Variants in TMOD1 observed in about 807,000 individuals in gnomAD.
TMOD1 encodes tropomodulin 1, also known as tropomodulin-1.
A neutral mutation model predicts 40.6 loss-of-function variants in TMOD1; 17 were observed. The ratio of observed to expected loss-of-function variants is 0.42; its 90% confidence interval spans 0.29 to 0.63. The LOEUF (loss-of-function observed/expected upper bound fraction) is 0.63, where lower values mean the gene tolerates loss of function less well. Among genes scored for constraint, TMOD1 ranks in the 20% least tolerant of loss-of-function variants. TMOD1 has a pLI of 0.22. For synonymous variants in TMOD1, 181 were observed against 175.0 expected, an observed-to-expected ratio of 1.03 and a Z score of -0.27; for missense variants, 391 against 447.6, an observed-to-expected ratio of 0.87 and a Z score of 1.14.
At chr9:97,577,062 A>G (rs771920120) in intron 8 of TMOD1, among the ~76,000 whole-genome samples, 5 of 150,108 alleles carry the variant, frequency 3.3e-5, no homozygotes, top group Non-Finnish European at 7.3e-5. Flanking sequence ...ATATTTATTC[A>G]CAAGTGGTTT....
At chr9:97,519,681 C>T (rs1425145485) in intron 1 of TMOD1, among the ~76,000 whole-genome samples, 1 of 152,190 alleles carries the variant, frequency 6.6e-6, no homozygotes, top group Non-Finnish European at 1.5e-5. Flanking sequence ...TAGACCAGGA[C>T]CCAGAGGTGC....
In TMOD1 at chr9:97,538,526, T is replaced by A. The variant is rs141604701; in HGVS notation, c.121-7659T>A. Among the ~76,000 whole-genome samples, 541 of 152,186 alleles carry A rather than the reference T, an allele frequency of 3.6e-3. 2 individuals are homozygous for A. Among genetic ancestry groups the A allele is most frequent in the African/African-American group, 0.012 (518 of 41,532 alleles). On this transcript the variant is annotated intron_variant, in intron 2 of 9. Transcript: ENST00000259365. ...TCCTGTGCACATTTTAAGATTGAGA[T>A]TTAAATTCCTTATAGGTTAAATGAG...
At chr9:97,525,135 G>C (rs904202529) in intron 2 of TMOD1, among the ~76,000 whole-genome samples, 6 of 152,116 alleles carry the variant, frequency 3.9e-5, no homozygotes, top group African/African-American at 1.4e-4. Flanking sequence ...ACTATCCTGG[G>C]TACAATGGAA....
At chr9:97,575,030 ATAAC>A (rs1272645887) in intron 8 of TMOD1, among the ~76,000 whole-genome samples, 15 of 152,236 alleles carry the variant, frequency 9.9e-5, no homozygotes, top group Non-Finnish European at 2.1e-4. Flanking sequence ...AGGCTGCCGG[ATAAC>A]GCAGTGGCAA....
chr9:97,555,354 C>A, intron 4 of TMOD1: 1 of 1,221,198 alleles, frequency 8.2e-7, no homozygotes, highest in South Asian at 2.1e-5. Context: ...ACTTTCTCCT[C>A]CAATCACGCT....
intron 8 of TMOD1, among the ~76,000 whole-genome samples, chr9:97,578,024 G>A (rs370119961): frequency 1.1e-4 from 17 of 152,156 alleles, no homozygotes; most frequent in South Asian, 1.0e-3. Context: ...CAGGGTCCCC[G>A]GAGTCAGAGA....
At chr9:97,561,948 C>G (rs1330970244) in intron 4 of TMOD1, among the ~76,000 whole-genome samples, 1 of 152,194 alleles carries the variant, frequency 6.6e-6, no homozygotes, top group East Asian at 1.9e-4. Context: ...CCACACTCAG[C>G]ATACCCTGTG....
chr9:97,524,494 T>TA (rs1829969218), intron 2 of TMOD1, among the ~76,000 whole-genome samples, 186 bp downstream of exon 2: 3 of 90,652 alleles, frequency 3.3e-5, no homozygotes, highest in Non-Finnish European at 6.6e-5. Flanking sequence ...AGAGAACCAA[T>TA]AGGGTGTGTG....
At chr9:97,517,359 A>T (rs1829828819) in intron 1 of TMOD1, among the ~76,000 whole-genome samples, 1 of 152,038 alleles carries the variant, frequency 6.6e-6, no homozygotes, top group South Asian at 2.1e-4. Context: ...GTTTAAAATA[A>T]GAGAAAGAGC....
chr9:97,543,466 T>G (rs1375301701), intron 2 of TMOD1, among the ~76,000 whole-genome samples: 1 of 152,290 alleles, frequency 6.6e-6, no homozygotes, highest in Non-Finnish European at 1.5e-5. Flanking sequence ...TGTTAGGCAC[T>G]GTGCTGAGCA....
At chr9:97,533,856 C>T (rs1490957125) in intron 2 of TMOD1, among the ~76,000 whole-genome samples, 5 of 152,166 alleles carry the variant, frequency 3.3e-5, no homozygotes, top group African/African-American at 1.2e-4. Context: ...GTGTTTTATC[C>T]ATCCCTCAAG....
chr9:97,597,143 C>T (rs1826127315), intron 9 of TMOD1, among the ~76,000 whole-genome samples: 1 of 152,188 alleles, frequency 6.6e-6, no homozygotes, highest in Non-Finnish European at 1.5e-5. Flanking sequence ...ACTGGAGAGC[C>T]CTTCTGGCAT....
intron 5 of TMOD1, 92 bp from the exon 6 acceptor site, chr9:97,563,946 C>T: frequency 6.6e-7 from 1 of 1,522,312 alleles, no homozygotes. Flanking sequence ...GTGCCCCAAC[C>T]CTGCACATGC....
chr9:97,525,058 C>G (rs566382638), intron 2 of TMOD1, among the ~76,000 whole-genome samples: 4 of 151,928 alleles, frequency 2.6e-5, no homozygotes, highest in Non-Finnish European at 5.9e-5. Flanking sequence ...ATATACATCT[C>G]TTTAAACCAT....
At chr9:97,524,706 G>C (rs1829978232) in intron 2 of TMOD1, among the ~76,000 whole-genome samples, 1 of 152,082 alleles carries the variant, frequency 6.6e-6, no homozygotes, top group Admixed American at 6.5e-5. Flanking sequence ...GGAAGAGTTG[G>C]GTCTGGGAAA....
At chr9:97,508,905 G>A (rs987373248) in intron 1 of TMOD1, among the ~76,000 whole-genome samples, 1 of 152,162 alleles carries the variant, frequency 6.6e-6, no homozygotes, top group Non-Finnish European at 1.5e-5. Context: ...GTGGACACAC[G>A]CCCTTAAAAA....
chr9:97,569,353 G>C (rs1220523748), intron 8 of TMOD1, among the ~76,000 whole-genome samples: 1 of 152,090 alleles, frequency 6.6e-6, no homozygotes, highest in African/African-American at 2.4e-5. Flanking sequence ...TCAGCTCCCC[G>C]TAAGTCCTGT....
chr9:97,522,390 T>C (rs368788715), intron 1 of TMOD1, among the ~76,000 whole-genome samples: 2 of 152,250 alleles, frequency 1.3e-5, no homozygotes, highest in East Asian at 1.9e-4. Context: ...AGGTAAAATA[T>C]ATTGGATTAG....
At chr9:97,531,047 C>A (rs1405024686) in intron 2 of TMOD1, among the ~76,000 whole-genome samples, 9 of 134,794 alleles carry the variant, frequency 6.7e-5, no homozygotes, top group African/African-American at 1.4e-4. Context: ...ACCCCCCCCA[C>A]CACCCCTTGG....
Sources: gnomAD v4.1 joint callset for allele counts (sites outside exome capture counted in the v4.1 genomes callset) on GRCh38, gnomAD v4.1.1 for gene constraint, MANE v1.5 for transcripts, NCBI Gene and HGNC (gene_info 2026-07-23, HGNC 2026-07-21) for gene names.